Variants in LUZP2 observed in about 807,000 individuals in gnomAD.
The protein encoded by LUZP2 is leucine zipper protein 2.
LUZP2 carries 52 observed loss-of-function variants against 51.6 expected under a neutral mutation model. The observed-to-expected ratio is 1.01, with a 90% CI of 0.81 to 1.27. LUZP2 has a LOEUF of 1.27. Ranked by LOEUF, LUZP2 falls within the 50% of genes most tolerant of loss-of-function variation. LUZP2 has a pLI of 0.00. For synonymous variants in LUZP2, 154 were observed against 137.3 expected (o/e 1.12, Z -0.85); for missense variants, 436 against 395.4 (o/e 1.10, Z -0.87).
At chr11:24,919,868 A>G (rs752610531) in intron 7 of LUZP2, among the ~76,000 whole-genome samples, 23 of 151,650 alleles carry the variant, frequency 1.5e-4, no homozygotes, top group Middle Eastern at 3.6e-3. Context: ...AATAATAACA[A>G]GAGAAATGTT....
chr11:24,713,683 GT>G lies in LUZP2; in HGVS notation c.63-15465del, dbSNP rs374748977. ...ATCCTGGATAACAGAGTGAGAATCT[GT>G]TTTTTTTTTTTTTTTTTTTTCTGAG... is the stretch of plus-strand genomic sequence containing the variant. On this transcript the variant is annotated intron_variant, in intron 1 of 11. Coordinates refer to ENST00000336930, the MANE Select transcript of LUZP2 (RefSeq NM_001009909.4). 2.6e-4 allele frequency among the ~76,000 whole-genome samples: 23 copies of G among 89,700 alleles called. No homozygotes were observed. In the South Asian group the frequency reaches 2.6e-3, roughly 10 times the overall value. 58.8% of individuals were successfully genotyped at this position (89,700 alleles called of 152,430 possible). A position where few individuals can be genotyped will look rare whatever the true frequency, so the allele number is the denominator to read the frequency against.
At chr11:24,862,831 A>C (rs536079025) in intron 5 of LUZP2, among the ~76,000 whole-genome samples, 87 of 152,258 alleles carry the variant, frequency 5.7e-4, no homozygotes, top group Non-Finnish European at 1.1e-3. Flanking sequence ...ACTTGAATTC[A>C]GAATATATAA....
intron 9 of LUZP2, among the ~76,000 whole-genome samples, chr11:25,048,537 C>A (rs1179018717): frequency 6.6e-6 from 1 of 152,144 alleles, no homozygotes; most frequent in African/African-American, 2.4e-5. Flanking sequence ...GCATCTAAAA[C>A]AGAACACTGG....
At chr11:24,657,124 A>G (rs1040279125) in intron 1 of LUZP2, among the ~76,000 whole-genome samples, 1 of 152,170 alleles carries the variant, frequency 6.6e-6, no homozygotes. Flanking sequence ...AGAGAAAAAA[A>G]CAAGAATAAA....
chr11:24,723,424 T>C (rs1858353673), intron 1 of LUZP2, among the ~76,000 whole-genome samples: 1 of 152,236 alleles, frequency 6.6e-6, no homozygotes, highest in Non-Finnish European at 1.5e-5. Context: ...GAAATATTCA[T>C]TGCAGCATTA....
At chr11:25,044,845 G>A (rs547363802) in intron 9 of LUZP2, among the ~76,000 whole-genome samples, 6 of 152,150 alleles carry the variant, frequency 3.9e-5, no homozygotes, top group Non-Finnish European at 5.9e-5. Context: ...TTAAGAAAAT[G>A]TGGCACATAT....
In LUZP2 at chr11:25,042,698, C is replaced by T. The variant is rs188391562; in HGVS notation, c.766-7340C>T. On this transcript the variant is annotated intron_variant, in intron 9 of 11. Transcript: ENST00000336930. ...TTCTAGGGGAGAATCCATTCTATGC[C>T]TCTCACAGCTTCTGGTAGTTGTCTG... is the stretch of plus-strand genomic sequence containing the variant. Among the ~76,000 whole-genome samples, 9 of 152,260 alleles carry T rather than the reference C, an allele frequency of 5.9e-5. No individual in the cohort carries two copies. In the East Asian group the frequency reaches 1.4e-3, roughly 23 times the overall value.
At chr11:24,953,644 A>G (rs2133866873) in intron 7 of LUZP2, among the ~76,000 whole-genome samples, 1 of 152,174 alleles carries the variant, frequency 6.6e-6, no homozygotes, top group Middle Eastern at 3.4e-3. Context: ...ACTTGTAAAT[A>G]CAGAGACTTT....
At position 24,732,381 on chromosome 11, in the gene LUZP2, A is replaced by T. The variant is rs114538957; in HGVS notation, c.251+193A>T. 6.0e-3 allele frequency among the ~76,000 whole-genome samples: 906 copies of T among 151,894 alleles called. 6 individuals carry two copies. The highest frequency in any genetic ancestry group is 0.017 in the Middle Eastern group (5 of 294). The stretch of plus-strand genomic sequence containing the variant: ...ACAACTGGGGTGGGCTTGAGATTCC[A>T]CATTTCTAAGAAGCTCTTTGGTGAT... On this transcript the variant is annotated intron_variant, in intron 3 of 11. Coordinates refer to ENST00000336930, the MANE Select transcript of LUZP2 (RefSeq NM_001009909.4).
chr11:25,027,315 T>C (rs1418157185), intron 9 of LUZP2, among the ~76,000 whole-genome samples: 1 of 152,164 alleles, frequency 6.6e-6, no homozygotes, highest in African/African-American at 2.4e-5. Context: ...TAATATTCTA[T>C]TTCTCATGAT....
intron 5 of LUZP2, among the ~76,000 whole-genome samples, chr11:24,897,658 G>A (rs1310522034): frequency 6.6e-6 from 1 of 152,160 alleles, no homozygotes; most frequent in African/African-American, 2.4e-5. Flanking sequence ...ACATATTTAA[G>A]AATTGTAACA....
At chr11:24,587,082 A>C (rs1853093025) in intron 1 of LUZP2, among the ~76,000 whole-genome samples, 1 of 152,160 alleles carries the variant, frequency 6.6e-6, no homozygotes, top group Admixed American at 6.5e-5. Flanking sequence ...TTCCTTGCAG[A>C]AAATTGGCTA....
At chr11:24,917,793 G>A (rs1199056699) in intron 7 of LUZP2, among the ~76,000 whole-genome samples, 5 of 152,010 alleles carry the variant, frequency 3.3e-5, no homozygotes, top group Non-Finnish European at 7.4e-5. Context: ...TGTTCTTTTG[G>A]CTTAGGATTG....
At chr11:24,556,065 GTT>G (rs780595243) in intron 1 of LUZP2, among the ~76,000 whole-genome samples, 4 of 152,150 alleles carry the variant, frequency 2.6e-5, no homozygotes, top group Non-Finnish European at 5.9e-5. Flanking sequence ...TTTGTATAAT[GTT>G]TTTTAGTCTC....
At chr11:24,623,045 T>C (rs1265988518) in intron 1 of LUZP2, among the ~76,000 whole-genome samples, 1 of 152,090 alleles carries the variant, frequency 6.6e-6, no homozygotes, top group Non-Finnish European at 1.5e-5. Flanking sequence ...GAGGAAAGAA[T>C]GTCCAGGCTT....
intron 5 of LUZP2, among the ~76,000 whole-genome samples, chr11:24,806,830 G>T (rs1232245524): frequency 6.6e-6 from 1 of 151,832 alleles, no homozygotes; most frequent in Non-Finnish European, 1.5e-5. Context: ...CTCCTCAGAA[G>T]GGTAACTCTG....
At chr11:24,905,716 C>T (rs1005278514) in intron 5 of LUZP2, among the ~76,000 whole-genome samples, 1 of 151,546 alleles carries the variant, frequency 6.6e-6, no homozygotes, top group East Asian at 1.9e-4. Context: ...TTTTCAAAAA[C>T]GAAATCATAT....
chr11:25,012,307 A>G (rs528496178), intron 9 of LUZP2, among the ~76,000 whole-genome samples: 1 of 152,264 alleles, frequency 6.6e-6, no homozygotes, highest in Admixed American at 6.5e-5. Flanking sequence ...GCTGCCTGTA[A>G]AACTAACTTT....
chr11:24,813,756 C>T (rs1183768962), intron 5 of LUZP2, among the ~76,000 whole-genome samples: 4 of 152,202 alleles, frequency 2.6e-5, no homozygotes, highest in African/African-American at 9.6e-5. Context: ...TGCTAAATTA[C>T]TCAGTGTGGT....
Sources: gnomAD v4.1 joint callset for allele counts (sites outside exome capture counted in the v4.1 genomes callset) on GRCh38, gnomAD v4.1.1 for gene constraint, MANE v1.5 for transcripts, NCBI Gene and HGNC (gene_info 2026-07-23, HGNC 2026-07-21) for gene names.